Variants in DGKB observed in about 807,000 individuals in gnomAD.
DGKB encodes diacylglycerol kinase beta, also known as 90 kDa diacylglycerol kinase.
DGKB carries 67 observed loss-of-function variants against 114.3 expected under a neutral mutation model. That is an observed-to-expected ratio of 0.59 (90% CI 0.48 to 0.72). The LOEUF is 0.72. DGKB is among the 30% of genes least tolerant of loss of function. DGKB has a pLI of 0.00. For synonymous variants in DGKB, 398 were observed against 323.1 expected, an observed-to-expected ratio of 1.23 and a Z score of -2.49; for missense variants, 907 against 975.2, an observed-to-expected ratio of 0.93 and a Z score of 0.93.
intron 21 of DGKB, among the ~76,000 whole-genome samples, chr7:14,434,797 A>G (rs1233021587): frequency 6.6e-6 from 1 of 152,162 alleles, no homozygotes; most frequent in Non-Finnish European, 1.5e-5. Flanking sequence ...AAAGAGCCTC[A>G]ACCACGTGGA....
chr7:14,922,398 G>GTGTT (rs1562877908), intron 1 of DGKB, among the ~76,000 whole-genome samples: 2 of 151,680 alleles, frequency 1.3e-5, no homozygotes, highest in African/African-American at 4.8e-5. Flanking sequence ...GTGTGTGTGT[G>GTGTT]TGTGTGTGTG....
intron 25 of DGKB, among the ~76,000 whole-genome samples, chr7:14,156,411 C>G (rs1783029358): frequency 6.6e-6 from 1 of 152,106 alleles, no homozygotes; most frequent in Non-Finnish European, 1.5e-5. Flanking sequence ...CTGAACTACT[C>G]AACACTGCCC....
intron 1 of DGKB, among the ~76,000 whole-genome samples, chr7:14,890,213 T>A (rs890736722): frequency 1.3e-5 from 2 of 151,558 alleles, no homozygotes; most frequent in Non-Finnish European, 3.0e-5. Context: ...CAGCTAACCC[T>A]ATTTATATAG....
chr7:14,676,014 A>T (rs76252992), intron 12 of DGKB, among the ~76,000 whole-genome samples: 233 of 152,222 alleles, frequency 1.5e-3, no homozygotes, highest in African/African-American at 5.1e-3. Flanking sequence ...AAAATATACA[A>T]TGTGAAAGCC....
intron 14 of DGKB, among the ~76,000 whole-genome samples, chr7:14,627,787 C>CA (rs1808872159): frequency 6.6e-6 from 1 of 151,554 alleles, no homozygotes; most frequent in Non-Finnish European, 1.5e-5. Context: ...ACTAAAAATA[C>CA]AAAAAATTAG....
chr7:14,439,697 C>T (rs893389801), intron 21 of DGKB, among the ~76,000 whole-genome samples: 3 of 136,264 alleles, frequency 2.2e-5, no homozygotes, highest in Non-Finnish European at 4.9e-5. Context: ...AACCCCATCT[C>T]TACTAAAAGT....
At chr7:14,927,245 A>G (rs1373124269) in intron 1 of DGKB, among the ~76,000 whole-genome samples, 1 of 152,058 alleles carries the variant, frequency 6.6e-6, no homozygotes, top group East Asian at 1.9e-4. Flanking sequence ...TGGTCTCCTT[A>G]ACTATGACTT....
At chr7:14,267,323 C>G (rs1362839151) in intron 23 of DGKB, among the ~76,000 whole-genome samples, 1 of 152,104 alleles carries the variant, frequency 6.6e-6, no homozygotes, top group Non-Finnish European at 1.5e-5. Flanking sequence ...GGCCCTGAAT[C>G]TACATGAAGA....
rs184979433 is a variant in DGKB, at chr7:14,227,736, C to T, written c.2123-49585G>A. On this transcript the variant is annotated intron_variant, in intron 23 of 25. Transcript: ENST00000402815. ...TAATGGCATATATATTTCACACATACCTATGTGATAACATTTACCCATAAT... is the reference window on the plus strand; with the variant it reads ...TAATGGCATATATATTTCACACATATCTATGTGATAACATTTACCCATAAT... 7.5e-3 allele frequency among the ~76,000 whole-genome samples: 1,134 copies of T among 152,044 alleles called. 9 individuals are homozygous for T. Among genetic ancestry groups the T allele is most frequent in the Non-Finnish European group, 0.011 (752 of 67,954 alleles).
At chr7:14,286,388 A>G (rs1290709910) in intron 23 of DGKB, among the ~76,000 whole-genome samples, 1 of 152,190 alleles carries the variant, frequency 6.6e-6, no homozygotes, top group African/African-American at 2.4e-5. Context: ...TAAACTTTGA[A>G]TAGTGAAAGA....
At chr7:14,280,209 G>A (rs1799723980) in intron 23 of DGKB, among the ~76,000 whole-genome samples, 1 of 152,116 alleles carries the variant, frequency 6.6e-6, no homozygotes, top group Non-Finnish European at 1.5e-5. Context: ...ACTACGTGAG[G>A]AATGCAGAAG....
In DGKB at chr7:14,831,885, C is replaced by T. The variant is rs546259969; in HGVS notation, c.70+9309G>A. Among the ~76,000 whole-genome samples the T allele has an allele frequency of 1.1e-4, 16 of 151,896 alleles. No homozygotes were observed. The South Asian group carries it at 3.3e-3, about 32-fold the overall frequency. On this transcript the variant is annotated intron_variant, in intron 2 of 25. Coordinates refer to ENST00000402815, the MANE Select transcript of DGKB (RefSeq NM_001350709.2). ...CAAGAGGTAAAAGAAGAAAATCAGA[C>T]CACTATAAGCAGAAGGACATTTCTC...
intron 1 of DGKB, among the ~76,000 whole-genome samples, chr7:14,965,643 G>A (rs1032713947): frequency 5.3e-5 from 8 of 151,982 alleles, no homozygotes; most frequent in African/African-American, 1.4e-4. Flanking sequence ...ATTATAATTT[G>A]GTTTAACACA....
chr7:14,569,180 A>T (rs956381500), intron 20 of DGKB, among the ~76,000 whole-genome samples: 1 of 152,178 alleles, frequency 6.6e-6, no homozygotes, highest in Non-Finnish European at 1.5e-5. Flanking sequence ...GTCCCTGAGC[A>T]TTGAGATTTT....
chr7:14,305,629 C>T (rs1241947488), intron 23 of DGKB, among the ~76,000 whole-genome samples: 1 of 152,092 alleles, frequency 6.6e-6, no homozygotes, highest in Non-Finnish European at 1.5e-5. Flanking sequence ...GCTTGCGATC[C>T]ATCAAATGGC....
At chr7:14,715,951 T>G (rs1417177924) in intron 6 of DGKB, among the ~76,000 whole-genome samples, 3 of 152,168 alleles carry the variant, frequency 2.0e-5, no homozygotes, top group Non-Finnish European at 4.4e-5. Context: ...ATAATAAACA[T>G]GGTGTAAATA....
chr7:14,936,497 T>C (rs1294405779), intron 1 of DGKB, among the ~76,000 whole-genome samples: 4 of 152,176 alleles, frequency 2.6e-5, no homozygotes, highest in Admixed American at 2.0e-4. Context: ...TCTAAAGTAC[T>C]CTTTCTATTT....
chr7:14,918,890 C>T (rs1784370347), intron 1 of DGKB, among the ~76,000 whole-genome samples: 1 of 151,824 alleles, frequency 6.6e-6, no homozygotes, highest in African/African-American at 2.4e-5. Context: ...GGTGAAACCC[C>T]GCCTCTACTA....
chr7:14,294,953 A>G (rs1802307231), intron 23 of DGKB, among the ~76,000 whole-genome samples: 1 of 152,176 alleles, frequency 6.6e-6, no homozygotes, highest in African/African-American at 2.4e-5. Context: ...AGTCTAAATT[A>G]GAAAGGTTCC....
Sources: allele counts gnomAD v4.1 joint callset (sites outside exome capture counted in the v4.1 genomes callset), GRCh38; gene constraint gnomAD v4.1.1; transcripts MANE v1.5; gene names NCBI Gene and HGNC (gene_info 2026-07-23, HGNC 2026-07-21).